Variants in UQCR11 observed in about 807,000 individuals in gnomAD.
UQCR11 encodes ubiquinol-cytochrome c reductase, complex III subunit XI.
UQCR11 carries 10 observed loss-of-function variants against 7.6 expected under a neutral mutation model. The observed-to-expected ratio is 1.31, with a 90% CI of 0.81 to 2.22. The LOEUF is 2.22. Ranked by LOEUF, UQCR11 falls within the 30% of genes most tolerant of loss-of-function variation. The probability of loss-of-function intolerance (pLI) is 0.00; values close to 1 mark genes in which losing one functional copy is unlikely to be tolerated. For synonymous variants in UQCR11, 34 were observed against 34.9 expected (o/e 0.97, Z 0.09); for missense variants, 86 against 75.1 (o/e 1.15, Z -0.54).
chr19:1,599,844 C>G (rs2060742039), intron 1 of UQCR11, among the ~76,000 whole-genome samples: 1 of 152,250 alleles, frequency 6.6e-6, no homozygotes, highest in African/African-American at 2.4e-5. Context: ...AAGTTTGCAA[C>G]CACCATGATG....
intron 1 of UQCR11, 125 bp from the exon 2 acceptor site, chr19:1,599,685 C>G: frequency 1.4e-6 from 2 of 1,419,986 alleles, no homozygotes; most frequent in Non-Finnish European, 1.9e-6. Context: ...CTGTGCCCGC[C>G]CAGTGCTGTG....
intron 1 of UQCR11, among the ~76,000 whole-genome samples, chr19:1,601,533 G>A (rs1343810451): frequency 6.6e-6 from 1 of 150,886 alleles, no homozygotes; most frequent in Non-Finnish European, 1.5e-5. Context: ...CCCGGGAGGC[G>A]GAGCTTGCAG....
At chr19:1,604,698 T>G (rs1197058926) in intron 1 of UQCR11, among the ~76,000 whole-genome samples, 1 of 151,872 alleles carries the variant, frequency 6.6e-6, no homozygotes, top group Non-Finnish European at 1.5e-5. Flanking sequence ...TGGCTAATTT[T>G]TGCATTTTTA....
intron 1 of UQCR11, among the ~76,000 whole-genome samples, chr19:1,602,848 G>T (rs964176076): frequency 1.3e-5 from 2 of 152,216 alleles, no homozygotes; most frequent in Non-Finnish European, 2.9e-5. Flanking sequence ...GTAGGACCCT[G>T]TGGATTTGGA....
intron 1 of UQCR11, among the ~76,000 whole-genome samples, chr19:1,600,856 A>G (rs978943631): frequency 6.6e-5 from 10 of 152,076 alleles, no homozygotes; most frequent in Non-Finnish European, 1.3e-4. Context: ...ATATGAGACC[A>G]TATCTCAAAA....
At chr19:1,600,604 G>A (rs2060744563) in intron 1 of UQCR11, among the ~76,000 whole-genome samples, 1 of 152,202 alleles carries the variant, frequency 6.6e-6, no homozygotes, top group African/African-American at 2.4e-5. Context: ...AGACATGGAG[G>A]CTCACAAGGG....
At chr19:1,601,524 C>A (rs2060747002) in intron 1 of UQCR11, among the ~76,000 whole-genome samples, 1 of 147,812 alleles carries the variant, frequency 6.8e-6, no homozygotes. Flanking sequence ...TGGCATGAAC[C>A]CGGGAGGCGG....
Position 1,599,541 on chromosome 19 carries a change from A to G in UQCR11, c.70T>C (p.Trp24Arg), listed in dbSNP as rs1285715834. ...VKNWVPTAYT[W>R]GAVGAVGLVW... ...AGCCCCACGGCGCCCACAGCGCCCC[A>G]TGTGTAGGCCGTCGGGACCCTGCGA... Residue 24 changes from tryptophan to arginine, a missense_variant, in exon 2 of 3, where the codon TGG becomes CGG. Transcript: ENST00000591899. 1 of 1,611,836 alleles carries G rather than the reference A, an allele frequency of 6.2e-7. No individual in the cohort carries two copies. Among genetic ancestry groups the G allele is most frequent in the Non-Finnish European group, 8.5e-7 (1 of 1,179,962 alleles).
chr19:1,605,354 C>G lies in UQCR11; in HGVS notation c.50+6G>C. 1 of 1,576,104 alleles carries G rather than the reference C, an allele frequency of 6.3e-7. No individual in the cohort carries two copies. Among genetic ancestry groups the G allele is most frequent in the Admixed American group, 1.8e-5 (1 of 54,868 alleles). ...CGCGGATGGGGCCGCGGGTCGGCGTCCTCACCAGTTCTTGACCAGCTCCCG... is the reference window on the plus strand; with the variant it reads ...CGCGGATGGGGCCGCGGGTCGGCGTGCTCACCAGTTCTTGACCAGCTCCCG... On this transcript the variant is annotated splice_donor_region_variant and intron_variant, in intron 1 of 2. Coordinates refer to ENST00000591899, the MANE Select transcript of UQCR11 (RefSeq NM_006830.4).
chr19:1,603,136 C>A lies in UQCR11; in HGVS notation c.50+2224G>T, dbSNP rs539597425. 5.3e-5 allele frequency among the ~76,000 whole-genome samples: 8 copies of A among 152,328 alleles called. No homozygotes were observed. In the South Asian group the frequency reaches 1.7e-3, roughly 32 times the overall value. On this transcript the variant is annotated intron_variant, in intron 1 of 2. Transcript: ENST00000591899. Reference sequence around the variant, plus strand: ...CCAAAGCCACTGCCTGGTGGCACAGCCCTGCACGGCCCCTCGCACGCACGT... The same window carrying A: ...CCAAAGCCACTGCCTGGTGGCACAGACCTGCACGGCCCCTCGCACGCACGT...
intron 1 of UQCR11, among the ~76,000 whole-genome samples, chr19:1,603,541 A>G (rs2060753134): frequency 6.6e-6 from 1 of 152,108 alleles, no homozygotes. Context: ...CGGGAGGCGG[A>G]GCTTGCAGTG....
At chr19:1,601,293 G>A (rs567943584) in intron 1 of UQCR11, among the ~76,000 whole-genome samples, 38 of 150,342 alleles carry the variant, frequency 2.5e-4, no homozygotes, top group African/African-American at 6.6e-4. Flanking sequence ...GAGAACTGAC[G>A]GCAGCCTCCA....
intron 2 of UQCR11, 23 bp downstream of exon 2, chr19:1,599,389 C>T (rs1427741809): frequency 6.2e-7 from 1 of 1,607,590 alleles, no homozygotes; most frequent in Non-Finnish European, 8.5e-7. Context: ...GCAGTCCACC[C>T]ACCGCAGCCC....
At chr19:1,604,649 TCCC>T (rs1193542875) in intron 1 of UQCR11, among the ~76,000 whole-genome samples, 1 of 152,118 alleles carries the variant, frequency 6.6e-6, no homozygotes. Flanking sequence ...TTCCTCAGCC[TCCC>T]GAGTAGCTGG....
chr19:1,603,596 G>C (rs2060753293), intron 1 of UQCR11, among the ~76,000 whole-genome samples: 3 of 152,186 alleles, frequency 2.0e-5, no homozygotes, highest in Admixed American at 1.3e-4. Flanking sequence ...GACAGAGCAA[G>C]ACTCCGTCTC....
chr19:1,599,633 C>A (rs1568282252), intron 1 of UQCR11, 73 bp from the exon 2 acceptor site: 2 of 1,576,284 alleles, frequency 1.3e-6, no homozygotes, highest in South Asian at 1.1e-5. Context: ...CCACCCCGGC[C>A]CCCCGTCCTG....
intron 1 of UQCR11, among the ~76,000 whole-genome samples, chr19:1,600,102 GGAAGGCCCAGCAGATTCTA>G (rs2060742974): frequency 9.5e-6 from 1 of 105,442 alleles, no homozygotes; most frequent in Non-Finnish European, 2.4e-5. Flanking sequence ...GCAGATTCTA[GGAAGGCCCAGCAGATTCTA>G]GGAAGGCCCA....
chr19:1,602,962 T>A (rs1278098426), intron 1 of UQCR11, among the ~76,000 whole-genome samples: 1 of 152,132 alleles, frequency 6.6e-6, no homozygotes, highest in Non-Finnish European at 1.5e-5. Flanking sequence ...CGACAACCCC[T>A]TCCTCAAAGC....
intron 2 of UQCR11, chr19:1,599,186 C>A (rs945949859): frequency 1.8e-5 from 9 of 502,378 alleles, no homozygotes; most frequent in Non-Finnish European, 2.8e-5. Flanking sequence ...AGAGGGAGGG[C>A]GAGGCCCACA....
Sources: allele counts gnomAD v4.1 joint callset (sites outside exome capture counted in the v4.1 genomes callset), GRCh38; gene constraint gnomAD v4.1.1; transcripts MANE v1.5; gene names NCBI Gene and HGNC (gene_info 2026-07-23, HGNC 2026-07-21).